Variants in KLHL5 observed in about 807,000 individuals in gnomAD.
KLHL5 encodes kelch like family member 5.
A neutral mutation model predicts 77.7 loss-of-function variants in KLHL5; 48 were observed. The observed-to-expected ratio is 0.62, with a 90% CI of 0.49 to 0.79. The LOEUF (loss-of-function observed/expected upper bound fraction) is 0.79, where lower values mean the gene tolerates loss of function less well. Ranked by LOEUF, KLHL5 falls within the 30% of genes least tolerant of loss-of-function variation. The pLI, the probability that KLHL5 is intolerant of heterozygous loss-of-function variation, is 0.00. For synonymous variants in KLHL5, 260 were observed against 297.0 expected, an observed-to-expected ratio of 0.88 and a Z score of 1.28; for missense variants, 723 against 859.7, an observed-to-expected ratio of 0.84 and a Z score of 1.99.
intron 1 of KLHL5, among the ~76,000 whole-genome samples, chr4:39,073,811 ATT>A (rs1339699563): frequency 7.2e-6 from 1 of 138,494 alleles, no homozygotes; most frequent in Non-Finnish European, 1.6e-5. Flanking sequence ...CGCCCAGCTA[ATT>A]TTTTTTTTAT....
rs1560420748 is a variant in KLHL5, at chr4:39,081,946, TTC to T, written c.704-15_704-14del. The T allele has an allele frequency of 1.3e-6, 2 of 1,552,312 alleles. No individual in the cohort carries two copies. Among genetic ancestry groups the T allele is most frequent in the African/African-American group, 2.8e-5 (2 of 72,344 alleles). On this transcript the variant is annotated splice_polypyrimidine_tract_variant and intron_variant, in intron 3 of 10. Coordinates refer to ENST00000504108, the MANE Select transcript of KLHL5 (RefSeq NM_015990.5). The surrounding 1 kb of genome is among the most constrained non-coding windows in gnomAD (Gnocchi z 4.3). ...AATGTAGTTCCATGGCTAATGGAAT[TTC>T]TTTTTATCATTAAGGCCGCCTTGAA...
At chr4:39,107,779 A>G (rs12508577) in intron 8 of KLHL5, 48 bp downstream of exon 8, 846,302 of 1,422,592 alleles carry the variant, frequency 0.59, 254,016 homozygotes, top group Admixed American at 0.63. Context: ...CACCAAATTT[A>G]TTAAGCTATA....
At chr4:39,115,816 G>T (rs1193107732) in intron 10 of KLHL5, 2 of 1,020,554 alleles carry the variant, frequency 2.0e-6, no homozygotes, top group Non-Finnish European at 2.3e-6. Flanking sequence ...TGATCTGGCA[G>T]TCTTACTAAC....
At position 39,117,636 on chromosome 4, in the gene KLHL5, T is replaced by C. The variant is rs188118840; in HGVS notation, c.2073+2306T>C. ...AACAGGAAAGGAATGATGAGAGAAG[T>C]TCTCAGAAGACAATGGAATAGAGCA... On this transcript the variant is annotated intron_variant, in intron 10 of 10. Transcript: ENST00000504108. Among the ~76,000 whole-genome samples the C allele has an allele frequency of 1.1e-4, 16 of 152,094 alleles. 1 individual carries two copies. In the East Asian group the frequency reaches 1.7e-3, roughly 17 times the overall value.
At chr4:39,092,884 A>T (rs945416700) in intron 5 of KLHL5, among the ~76,000 whole-genome samples, 1 of 152,310 alleles carries the variant, frequency 6.6e-6, no homozygotes, top group Admixed American at 6.5e-5. Context: ...CAAAAACAGG[A>T]ACCCTCGTAC....
downstream of KLHL5, among the ~76,000 whole-genome samples, chr4:39,127,584 G>A (rs772854982): frequency 9.2e-5 from 14 of 152,046 alleles, no homozygotes; most frequent in African/African-American, 1.9e-4. Flanking sequence ...CCTCTCAGTA[G>A]CTGGGACTAC....
At chr4:39,068,859 C>T (rs1253492689) in intron 1 of KLHL5, among the ~76,000 whole-genome samples, 1 of 152,176 alleles carries the variant, frequency 6.6e-6, no homozygotes, top group East Asian at 1.9e-4. Context: ...AACTACGTAA[C>T]TACATAACTT....
At chr4:39,048,933 C>T (rs1025703766) in intron 1 of KLHL5, among the ~76,000 whole-genome samples, 5 of 152,066 alleles carry the variant, frequency 3.3e-5, no homozygotes, top group South Asian at 2.1e-4. Context: ...TGAACCACCG[C>T]GCCTGGTGTA....
At chr4:39,101,602 C>T (rs374984997) in intron 6 of KLHL5, among the ~76,000 whole-genome samples, 3 of 151,986 alleles carry the variant, frequency 2.0e-5, no homozygotes, top group East Asian at 3.9e-4. Context: ...AATCCCAGCA[C>T]TTTGGGAGGC....
intron 6 of KLHL5, among the ~76,000 whole-genome samples, chr4:39,101,558 G>T (rs998164320): frequency 6.6e-6 from 1 of 152,004 alleles, no homozygotes; most frequent in African/African-American, 2.4e-5. Context: ...GAAAAATACA[G>T]AGGTAAAGGC....
At chr4:39,066,107 T>C (rs1717875491) in intron 1 of KLHL5, among the ~76,000 whole-genome samples, 1 of 152,256 alleles carries the variant, frequency 6.6e-6, no homozygotes, top group Non-Finnish European at 1.5e-5. Flanking sequence ...ACTTTGCCTC[T>C]GTAGCCTAGC....
At chr4:39,094,978 G>GA (rs935728866) in intron 5 of KLHL5, among the ~76,000 whole-genome samples, 21 of 152,162 alleles carry the variant, frequency 1.4e-4, no homozygotes, top group African/African-American at 4.8e-4. Context: ...CCAGGACTAT[G>GA]AAAAGAAAGA....
At chr4:39,128,853 C>T (rs1393609198), downstream of KLHL5, among the ~76,000 whole-genome samples, 2 of 152,086 alleles carry the variant, frequency 1.3e-5, no homozygotes, top group African/African-American at 2.4e-5. Context: ...CTGGTCCCAG[C>T]TACTCAGGAG....
intron 5 of KLHL5, among the ~76,000 whole-genome samples, chr4:39,087,467 A>C (rs1178052832): frequency 6.6e-6 from 1 of 152,232 alleles, no homozygotes; most frequent in Non-Finnish European, 1.5e-5. Context: ...GACTTGGCAT[A>C]TTCACACAGC....
chr4:39,130,916 C>T (rs1329436638), downstream of KLHL5, among the ~76,000 whole-genome samples: 2 of 146,488 alleles, frequency 1.4e-5, no homozygotes, highest in Admixed American at 6.8e-5. Flanking sequence ...GATCTCGGCT[C>T]ACGGCAACCT....
intron 6 of KLHL5, among the ~76,000 whole-genome samples, chr4:39,101,875 T>C (rs184667808): frequency 0.034 from 4,438 of 128,670 alleles, 91 homozygotes; most frequent in Non-Finnish European, 0.05. Context: ...TATATATATA[T>C]ATACACACAC....
chr4:39,093,046 C>G, intron 5 of KLHL5: 1 of 454,948 alleles, frequency 2.2e-6, no homozygotes, highest in Non-Finnish European at 4.4e-6. Flanking sequence ...AAGACTTGGA[C>G]ATAAACGTTC....
intron 10 of KLHL5, chr4:39,115,932 G>C (rs1560442471): frequency 1.0e-6 from 1 of 988,432 alleles, no homozygotes; most frequent in South Asian, 4.7e-5. Flanking sequence ...TCAGGAATTT[G>C]TGCTTGTGTC....
At chr4:39,137,532 G>T in the KLHL5 span, among the ~76,000 whole-genome samples, 1 of 152,216 alleles carries the variant, frequency 6.6e-6, no homozygotes, top group South Asian at 2.1e-4. Flanking sequence ...GCTGAGGTGG[G>T]AAGATTGAGC....
Sources: gnomAD v4.1 joint callset for allele counts (sites outside exome capture counted in the v4.1 genomes callset) on GRCh38, gnomAD v4.1.1 for gene constraint, Gnocchi (gnomAD v3.1) non-coding constraint, MANE v1.5 for transcripts, NCBI Gene and HGNC (gene_info 2026-07-23, HGNC 2026-07-21) for gene names.